Variants in SCARF1 observed in about 807,000 individuals in gnomAD.
The protein encoded by SCARF1 is scavenger receptor class F member 1, also known as acetyl LDL receptor.
Under a neutral mutation model 76.3 loss-of-function variants are expected in SCARF1, and 49 were observed. That is an observed-to-expected ratio of 0.64 (90% confidence interval 0.51 to 0.81). The LOEUF (loss-of-function observed/expected upper bound fraction) is 0.81, where lower values mean the gene tolerates loss of function less well. SCARF1 is among the 40% of genes least tolerant of loss of function. The pLI is 0.00. For synonymous variants in SCARF1, 495 were observed against 474.6 expected (o/e 1.04, Z -0.56); for missense variants, 1,098 against 1,143.9 (o/e 0.96, Z 0.58).
chr17:1,639,006 C>A (rs1909822658), intron 7 of SCARF1, 80 bp from the exon 8 acceptor site: 3 of 1,400,678 alleles, frequency 2.1e-6, no homozygotes, highest in Non-Finnish European at 1.9e-6. Flanking sequence ...TGCCTGCTAC[C>A]CAGAAGCTTC....
At position 1,635,441 on chromosome 17, in the gene SCARF1, G is replaced by A. The variant is rs753620477; in HGVS notation, c.1810C>T (p.Arg604Ter). 2 of 1,614,036 alleles carry A rather than the reference G, an allele frequency of 1.2e-6. No individual in the cohort carries two copies. Among genetic ancestry groups the A allele is most frequent in the South Asian group, 2.2e-5 (2 of 91,078 alleles). ...EGTKFAPQSR[R>*]SSGELSSPLR... ...GGGCTGGAGAGCTCCCCTGAGCTTC[G>A]GCGACTCTGTGGTGCAAACTTGGTA... is the stretch of plus-strand genomic sequence containing the variant. Residue 604 changes from arginine to a stop codon, truncating the protein, a stop_gained, in exon 11 of 11, where the codon CGA (arginine) becomes TGA (stop). Coordinates refer to ENST00000263071, the MANE Select transcript of SCARF1 (RefSeq NM_003693.4). LOFTEE classifies it low-confidence loss of function (END_TRUNC).
intron 4 of SCARF1, 37 bp downstream of exon 4, chr17:1,643,405 C>CCCCGCCAG: frequency 1.7e-6 from 2 of 1,183,918 alleles, no homozygotes. Context: ...TCCGCCCCCG[C>CCCCGCCAG]CCCGCCAGCC....
In SCARF1 at chr17:1,643,979, G is replaced by A; in HGVS notation, c.266-12C>T. The A allele has an allele frequency of 1.5e-6, 2 of 1,315,024 alleles. No individual in the cohort carries two copies. The highest frequency in any genetic ancestry group is 1.9e-6 in the Non-Finnish European group (2 of 1,035,094). 81.5% of individuals were successfully genotyped at this position (1,315,024 alleles called of 1,614,324 possible). On this transcript the variant is annotated splice_polypyrimidine_tract_variant and intron_variant, in intron 3 of 10. Coordinates refer to ENST00000263071, the MANE Select transcript of SCARF1 (RefSeq NM_003693.4). ...CTGGCCCGGGCAGCCTGCGGGGGTGGGGACGGGAGGGGTCAGCGGGCTCAG... is the reference window on the plus strand; with the variant it reads ...CTGGCCCGGGCAGCCTGCGGGGGTGAGGACGGGAGGGGTCAGCGGGCTCAG...
At chr17:1,636,642 G>A in intron 10 of SCARF1, 67 bp downstream of exon 10, 1 of 1,533,244 alleles carries the variant, frequency 6.5e-7, no homozygotes, top group Non-Finnish European at 8.9e-7. Flanking sequence ...AACTTTGCTG[G>A]AGGACTAAAG....
In SCARF1 at chr17:1,636,839, C is replaced by G. The variant is rs772375405; in HGVS notation, c.1503G>C (p.Pro501=). The change falls in exon 10 of 11, where the codon CCG becomes CCC. Residue 501 remains proline, a synonymous_variant. Transcript: ENST00000263071. ...LPWVTVSHHD[P]EVPFNHSFIE... ...TGAAGCTGTGGTTGAAGGGGACCTC[C>G]GGGTCGTGATGTGAGACTGTAGAGA... 1 of 1,613,980 alleles carries G rather than the reference C, an allele frequency of 6.2e-7. No individual in the cohort carries two copies. The highest frequency in any genetic ancestry group is 1.1e-5 in the South Asian group (1 of 91,076).
chr17:1,635,352 T>C lies in SCARF1; in HGVS notation c.1899A>G (p.Glu633=). ...CTGCTTCCTCTGGGCCTGTGGACTC[T>C]TCGGCTTCCCGGCCCTCAGGACCCG... ...AQSGPEGREA[E]ESTGPEEAEA... The change falls in exon 11 of 11, where the codon GAA becomes GAG. Residue 633 remains glutamate, a synonymous_variant. Transcript: ENST00000263071. The C allele has an allele frequency of 6.2e-7, 1 of 1,613,224 alleles. No homozygotes were observed. The highest frequency in any genetic ancestry group is 8.5e-7 in the Non-Finnish European group (1 of 1,179,530).
chr17:1,641,345 G>A (rs538010046), intron 4 of SCARF1, among the ~76,000 whole-genome samples: 14 of 152,326 alleles, frequency 9.2e-5, no homozygotes, highest in Middle Eastern at 3.4e-3. Flanking sequence ...CTGATGATCT[G>A]TCACTGTCTC....
chr17:1,635,383 GC>G lies in SCARF1; in HGVS notation c.1867del (p.Ala623ArgfsTer66), dbSNP rs34681910. 2.5e-6 allele frequency: 4 copies of G among 1,613,278 alleles called. No individual in the cohort carries two copies. Among genetic ancestry groups the G allele is most frequent in the Non-Finnish European group, 3.4e-6 (4 of 1,179,510 alleles). On this transcript the variant is annotated frameshift_variant, in exon 11 of 11. Transcript: ENST00000263071. LOFTEE classifies it low-confidence loss of function (END_TRUNC). ...TTCCCGGCCCTCAGGACCCGACTGC[GC>G]CCCCCGGGAGAGCCTCTTGGGCTTT... ...LRKPKRLSRG[A>X]QSGPEGREAE...
chr17:1,639,002 C>T, intron 7 of SCARF1, 76 bp from the exon 8 acceptor site: 7 of 1,437,366 alleles, frequency 4.9e-6, no homozygotes, highest in Non-Finnish European at 6.5e-6. Flanking sequence ...GAGTTGCCTG[C>T]TACCCAGAAG....
intron 9 of SCARF1, 22 bp from the exon 10 acceptor site, chr17:1,636,877 C>G (rs144554840): frequency 1.2e-6 from 2 of 1,613,642 alleles, no homozygotes; most frequent in Non-Finnish European, 1.7e-6. Flanking sequence ...CCAGATCAGG[C>G]GCCTGCAGGA....
In SCARF1 at chr17:1,635,001, G is replaced by A. The variant is rs148478683; in HGVS notation, c.2250C>T (p.Val750=). The change falls in exon 11 of 11, where the codon GTC becomes GTT. Residue 750 remains valine (V), a synonymous_variant. Coordinates refer to ENST00000263071, the MANE Select transcript of SCARF1 (RefSeq NM_003693.4). ...KGSPGLASGS[V]GQSPNSAPKA... is the part of the protein sequence containing the mutation. ...TTGGGGCTGAGTTGGGGCTCTGGCCGACAGAGCCAGAGGCAAGGCCAGGGC... is the reference window on the plus strand; with the variant it reads ...TTGGGGCTGAGTTGGGGCTCTGGCCAACAGAGCCAGAGGCAAGGCCAGGGC... 190 of 1,613,848 alleles carry A rather than the reference G, an allele frequency of 1.2e-4. No individual in the cohort carries two copies. Among genetic ancestry groups the A allele is most frequent in the African/African-American group, 2.9e-4 (22 of 75,036 alleles).
In SCARF1 at chr17:1,643,556, A is replaced by C. The variant is rs1910269149; in HGVS notation, c.677T>G (p.Val226Gly). The C allele has an allele frequency of 6.9e-7, 1 of 1,456,242 alleles. No homozygotes were observed. The highest frequency in any genetic ancestry group is 2.5e-5 in the Admixed American group (1 of 39,400). 90.2% of individuals were successfully genotyped at this position (1,456,242 alleles called of 1,614,324 possible). Residue 226 changes from valine to glycine, a missense_variant, in exon 4 of 11, where the codon GTG becomes GGG. Physicochemically the swap from Val to Gly is moderately radical, Grantham distance 109. Transcript: ENST00000263071. ...GGAGGCGGCGCTGCAGCGGCCCCGC[A>C]CACACTCGCACTGCTGCTGGCATTC... ...GPECQQQCEC[V>G]RGRCSAASGE... is the part of the protein sequence containing the mutation.
rs575072149 is a variant in SCARF1 at position 1,636,085 on chromosome 17, C to G, written c.1634-468G>C. 1.2e-4 allele frequency among the ~76,000 whole-genome samples: 19 copies of G among 152,304 alleles called. No individual in the cohort carries two copies. In the East Asian group the frequency reaches 3.5e-3, roughly 28 times the overall value. On this transcript the variant is annotated intron_variant, in intron 10 of 10. Coordinates refer to ENST00000263071, the MANE Select transcript of SCARF1 (RefSeq NM_003693.4). ...ACCATTCCCTCCTCTCCCTGACTTT[C>G]ACTTGGCCAACTCCTACTGATTCTG...
At position 1,640,285 on chromosome 17, in the gene SCARF1, G is replaced by GC; in HGVS notation, c.1010+162dup. On this transcript the variant is annotated intron_variant, in intron 5 of 10. Transcript: ENST00000263071. The surrounding 1 kb of genome is among the most constrained non-coding windows in gnomAD (Gnocchi z 4.7). ...GGGAGGGAGCTGGGATCCTGCCCAGGCCCCCCCAGAACCCACTGCTCTCCC... is the reference window on the plus strand; with the variant it reads ...GGGAGGGAGCTGGGATCCTGCCCAGGCCCCCCCCAGAACCCACTGCTCTCCC... The GC allele has an allele frequency of 1.4e-5, 11 of 793,492 alleles. No homozygotes were observed. The highest frequency in any genetic ancestry group is 1.8e-5 in the South Asian group (1 of 54,570). 49.2% of individuals were successfully genotyped at this position (793,492 alleles called of 1,614,324 possible). A position where few individuals can be genotyped will look rare whatever the true frequency, so the allele number is the denominator to read the frequency against.
At position 1,640,119 on chromosome 17, in the gene SCARF1, A is replaced by T; in HGVS notation, c.1011-79T>A. ...CTGTGGGGCCCCACCCCTCCGCCCCACGCTCCTGGACTCAAGGACCCAACT... is the reference window on the plus strand; with the variant it reads ...CTGTGGGGCCCCACCCCTCCGCCCCTCGCTCCTGGACTCAAGGACCCAACT... On this transcript the variant is annotated intron_variant, in intron 5 of 10. Transcript: ENST00000263071. The surrounding 1 kb of genome is among the most constrained non-coding windows in gnomAD (Gnocchi z 4.7). The T allele has an allele frequency of 6.6e-7, 1 of 1,521,476 alleles. No homozygotes were observed. Among genetic ancestry groups the T allele is most frequent in the Non-Finnish European group, 8.9e-7 (1 of 1,125,868 alleles). 94.2% of individuals were successfully genotyped at this position (1,521,476 alleles called of 1,614,324 possible). A position where few individuals can be genotyped will look rare whatever the true frequency, so the allele number is the denominator to read the frequency against.
rs753776108 is a variant in SCARF1 at position 1,640,618 on chromosome 17, G to T, written c.840C>A (p.Ser280Arg). ...TCCAGCCCGGCTCGCAGGACTCACA[G>T]CTGCCTGTGTCTGGAGAGCACGGCT... The part of the protein sequence containing the change: ...HNEPCSPDTG[S>R]CESCEPGWNG... The change falls in exon 5 of 11, where the codon AGC (serine) becomes AGA (arginine). Residue 280 changes from serine to arginine, a missense_variant. Transcript: ENST00000263071. This position sits in a 1 kb window ranked among gnomAD's most constrained non-coding sequence, Gnocchi z 4.7. 1 of 1,612,506 alleles carries T rather than the reference G, an allele frequency of 6.2e-7. No individual in the cohort carries two copies. Among genetic ancestry groups the T allele is most frequent in the Non-Finnish European group, 8.5e-7 (1 of 1,179,766 alleles).
Position 1,634,642 on chromosome 17 carries a change from C to G in SCARF1, c.*116G>C. 3 of 1,426,524 alleles carry G rather than the reference C, an allele frequency of 2.1e-6. No homozygotes were observed. The highest frequency in any genetic ancestry group is 2.8e-6 in the Non-Finnish European group (3 of 1,069,424). The allele number at this position is 1,426,524 out of a possible 1,614,324, so 88.4% of individuals were successfully genotyped here. A position where few individuals can be genotyped will look rare whatever the true frequency, so the allele number is the denominator to read the frequency against. On this transcript the variant is annotated 3_prime_UTR_variant, in exon 11 of 11. Coordinates refer to ENST00000263071, the MANE Select transcript of SCARF1 (RefSeq NM_003693.4). ...GGGCCAACTGGCCTGGAAGCCTTGC[C>G]TTTTCCCTGTGGAGGCGCAGAGGCT...
chr17:1,642,229 A>G (rs1910114953), intron 4 of SCARF1, among the ~76,000 whole-genome samples: 2 of 151,778 alleles, frequency 1.3e-5, no homozygotes, highest in Admixed American at 1.3e-4. Flanking sequence ...ACATGTGCAC[A>G]TTGTGCAGGT....
Position 1,645,718 on chromosome 17 carries a change from C to T in SCARF1, c.-21G>A, listed in dbSNP as rs777287074. On this transcript the variant is annotated 5_prime_UTR_variant, in exon 1 of 11. Coordinates refer to ENST00000263071, the MANE Select transcript of SCARF1 (RefSeq NM_003693.4). This position sits in a 1 kb window ranked among gnomAD's most constrained non-coding sequence, Gnocchi z 6.3. ...CCCATGGCAGGCAGCTCGGTGGGAG[C>T]GCTCGGGTTCGTCTGGCCCCCACAG... 2.5e-6 allele frequency: 4 copies of T among 1,573,310 alleles called. No individual in the cohort carries two copies. Among genetic ancestry groups the T allele is most frequent in the South Asian group, 1.1e-5 (1 of 87,208 alleles).
Sources: gnomAD v4.1 joint callset for allele counts (sites outside exome capture counted in the v4.1 genomes callset) on GRCh38, gnomAD v4.1.1 for gene constraint, Gnocchi (gnomAD v3.1) non-coding constraint, MANE v1.5 for transcripts, NCBI Gene and HGNC (gene_info 2026-07-23, HGNC 2026-07-21) for gene names.